Variants in MSI2 observed in about 807,000 individuals in gnomAD.
MSI2 encodes RNA-binding protein Musashi homolog 2.
MSI2 carries 17 observed loss-of-function variants against 45.6 expected under a neutral mutation model. The ratio of observed to expected loss-of-function variants is 0.37; its 90% confidence interval spans 0.26 to 0.56. The LOEUF (loss-of-function observed/expected upper bound fraction) is 0.56. Ranked by LOEUF, MSI2 falls within the 20% of genes least tolerant of loss-of-function variation. The probability of loss-of-function intolerance (pLI) is 0.77; values close to 1 mark genes in which losing one functional copy is unlikely to be tolerated. For synonymous variants in MSI2, 156 were observed against 158.2 expected, an observed-to-expected ratio of 0.99 and a Z score of 0.11; for missense variants, 293 against 444.2, an observed-to-expected ratio of 0.66 and a Z score of 3.06.
At chr17:57,308,960 C>T (rs1567748903) in intron 5 of MSI2, among the ~76,000 whole-genome samples, 1 of 152,126 alleles carries the variant, frequency 6.6e-6, no homozygotes, top group Non-Finnish European at 1.5e-5. Flanking sequence ...TCGTGCAAGG[C>T]CACAGAGCTG....
At chr17:57,636,733 C>T (rs996514361) in intron 10 of MSI2, among the ~76,000 whole-genome samples, 1 of 152,230 alleles carries the variant, frequency 6.6e-6, no homozygotes, top group African/African-American at 2.4e-5. Context: ...TTCCTCATCT[C>T]CTGCCCCAGA....
chr17:57,430,936 G>T (rs2084583667), intron 6 of MSI2, among the ~76,000 whole-genome samples: 1 of 152,188 alleles, frequency 6.6e-6, no homozygotes, highest in Non-Finnish European at 1.5e-5. Flanking sequence ...CCTGAATTTG[G>T]CACTGGTTAT....
At chr17:57,355,629 C>T (rs373148425) in intron 5 of MSI2, among the ~76,000 whole-genome samples, 29 of 152,322 alleles carry the variant, frequency 1.9e-4, no homozygotes, top group African/African-American at 6.5e-4. Flanking sequence ...CTGATCATGA[C>T]CACATGATTC....
intron 5 of MSI2, among the ~76,000 whole-genome samples, chr17:57,291,042 G>A (rs1910374804): frequency 6.6e-6 from 1 of 152,186 alleles, no homozygotes; most frequent in Admixed American, 6.5e-5. Flanking sequence ...AGCAGATGAG[G>A]GAAGACTTGT....
At chr17:57,388,411 G>A (rs2083722469) in intron 5 of MSI2, among the ~76,000 whole-genome samples, 1 of 152,124 alleles carries the variant, frequency 6.6e-6, no homozygotes, top group Non-Finnish European at 1.5e-5. Context: ...TGTGCTTATC[G>A]CTTCTTATGC....
At chr17:57,584,582 G>A (rs562456840) in intron 7 of MSI2, among the ~76,000 whole-genome samples, 2 of 152,268 alleles carry the variant, frequency 1.3e-5, no homozygotes, top group South Asian at 4.1e-4. Context: ...TTGTGGCAGC[G>A]CTGAAAACCT....
intron 7 of MSI2, among the ~76,000 whole-genome samples, chr17:57,586,039 G>A (rs1032800526): frequency 6.6e-6 from 1 of 152,252 alleles, no homozygotes; most frequent in Non-Finnish European, 1.5e-5. Context: ...CTTAACAGCA[G>A]TAATATGTTT....
At chr17:57,368,537 GGAGT>G (rs2083374539) in intron 5 of MSI2, among the ~76,000 whole-genome samples, 1 of 152,136 alleles carries the variant, frequency 6.6e-6, no homozygotes, top group Non-Finnish European at 1.5e-5. Flanking sequence ...CCTGGGTGAC[GGAGT>G]GAGACTGTGA....
At chr17:57,560,088 G>A (rs1009496770) in intron 7 of MSI2, among the ~76,000 whole-genome samples, 1 of 152,234 alleles carries the variant, frequency 6.6e-6, no homozygotes, top group Admixed American at 6.5e-5. Flanking sequence ...ATTCTGGAAG[G>A]CTGGGATGGG....
intron 7 of MSI2, among the ~76,000 whole-genome samples, chr17:57,557,273 A>T (rs548247661): frequency 6.6e-6 from 1 of 152,246 alleles, no homozygotes; most frequent in Non-Finnish European, 1.5e-5. Context: ...TGGGACAGCC[A>T]GGGCAGCATC....
chr17:57,465,305 A>G (rs1345504084), intron 6 of MSI2, among the ~76,000 whole-genome samples: 2 of 150,982 alleles, frequency 1.3e-5, no homozygotes, highest in African/African-American at 4.9e-5. Context: ...CTACTTAAAG[A>G]AAAAAAAACA....
chr17:57,300,445 A>G (rs1201672859), intron 5 of MSI2, among the ~76,000 whole-genome samples: 2 of 152,220 alleles, frequency 1.3e-5, no homozygotes, highest in Admixed American at 1.3e-4. Flanking sequence ...ACTGTTAATG[A>G]ATTAGAGTAT....
intron 6 of MSI2, among the ~76,000 whole-genome samples, chr17:57,483,080 T>C (rs2085680004): frequency 6.6e-6 from 1 of 152,234 alleles, no homozygotes; most frequent in Non-Finnish European, 1.5e-5. Context: ...TTTCTTAATT[T>C]CTGCTTTTGG....
chr17:57,682,130 G>A lies in MSI2; in HGVS notation c.*2613G>A. 1 of 195,572 alleles carries A rather than the reference G, an allele frequency of 5.1e-6. No homozygotes were observed. Among genetic ancestry groups the A allele is most frequent in the Non-Finnish European group, 1.1e-5 (1 of 94,324 alleles). 12.1% of individuals were successfully genotyped at this position (195,572 alleles called of 1,614,324 possible). A position where few individuals can be genotyped will look rare whatever the true frequency, so the allele number is the denominator to read the frequency against. On this transcript the variant is annotated 3_prime_UTR_variant, in exon 14 of 14. Coordinates refer to ENST00000284073, the MANE Select transcript of MSI2 (RefSeq NM_138962.4). ...AATTAGACATAGTTATTCAGATTTA[G>A]GACCAGTAAGGATAGAACTTTCTCT...
chr17:57,323,671 G>A (rs546306480), intron 5 of MSI2, among the ~76,000 whole-genome samples: 1 of 152,266 alleles, frequency 6.6e-6, no homozygotes, highest in Non-Finnish European at 1.5e-5. Flanking sequence ...GGCCTCACCA[G>A]GGGAGACTTG....
rs1440094201 is a variant in MSI2 at position 57,340,212 on chromosome 17, T to C, written c.313-61167T>C. On this transcript the variant is annotated intron_variant, in intron 5 of 13. Transcript: ENST00000284073. ...TAGGCTTCAAAGAGGCTCAGATCCA[T>C]GGAGCTAGTAAGTGATGGGCCATTG... Among the ~76,000 whole-genome samples, 3 of 152,194 alleles carry C rather than the reference T, an allele frequency of 2.0e-5. No individual in the cohort carries two copies. In the East Asian group the frequency reaches 5.8e-4, roughly 29 times the overall value.
intron 5 of MSI2, chr17:57,285,722 G>T (rs1478369396): frequency 5.6e-6 from 4 of 708,462 alleles, no homozygotes; most frequent in Non-Finnish European, 2.1e-6. Flanking sequence ...GTCTCCCCAA[G>T]TAGGTATTCC....
At chr17:57,433,187 C>T (rs1372022939) in intron 6 of MSI2, among the ~76,000 whole-genome samples, 1 of 152,202 alleles carries the variant, frequency 6.6e-6, no homozygotes, top group Admixed American at 6.5e-5. Flanking sequence ...TAAGGTGACA[C>T]GCCAAGTTGT....
At chr17:57,534,484 G>A (rs143959568) in intron 7 of MSI2, among the ~76,000 whole-genome samples, 4,935 of 152,278 alleles carry the variant, frequency 0.032, 263 homozygotes, top group African/African-American at 0.11. Flanking sequence ...GGCCGAGGCG[G>A]GTGGATCACC....
Sources: gnomAD v4.1 joint callset for allele counts (sites outside exome capture counted in the v4.1 genomes callset) on GRCh38, gnomAD v4.1.1 for gene constraint, MANE v1.5 for transcripts, NCBI Gene and HGNC (gene_info 2026-07-23, HGNC 2026-07-21) for gene names.